The following CFAP299 variants were observed in gnomAD, a reference collection of about 807,000 sequenced individuals.
The protein encoded by CFAP299 is cilia and flagella associated protein 299.
A neutral mutation model predicts 27.0 loss-of-function variants in CFAP299; 21 were observed. The ratio of observed to expected loss-of-function variants is 0.78; its 90% confidence interval spans 0.55 to 1.12. The LOEUF (loss-of-function observed/expected upper bound fraction) is 1.12. CFAP299 is among the 50% of genes most tolerant of loss of function. CFAP299 has a pLI of 0.00. For missense variants in CFAP299, 310 were observed against 276.6 expected, an observed-to-expected ratio of 1.12 and a Z score of -0.86; for synonymous variants, 104 against 98.1, an observed-to-expected ratio of 1.06 and a Z score of -0.36.
At chr4:80,824,789 CT>C (rs1436449891) in intron 3 of CFAP299, among the ~76,000 whole-genome samples, 1 of 151,884 alleles carries the variant, frequency 6.6e-6, no homozygotes, top group African/African-American at 2.4e-5. Flanking sequence ...AACAAAACCC[CT>C]GGGAAAGAGA....
intron 4 of CFAP299, among the ~76,000 whole-genome samples, chr4:80,909,853 A>G (rs1735378693): frequency 6.6e-6 from 1 of 152,146 alleles, no homozygotes; most frequent in Non-Finnish European, 1.5e-5. Flanking sequence ...ACAAGCTTGC[A>G]ACAAAAACAT....
At chr4:80,357,962 G>C (rs1386586533) in intron 1 of CFAP299, among the ~76,000 whole-genome samples, 2 of 151,844 alleles carry the variant, frequency 1.3e-5, no homozygotes, top group African/African-American at 2.4e-5. Flanking sequence ...CCAACTTTTT[G>C]ATATGGGCAT....
rs184913199 is a variant in CFAP299 at position 80,784,772 on chromosome 4, C to T, written c.334-85221C>T. Among the ~76,000 whole-genome samples the T allele has an allele frequency of 3.1e-3, 471 of 152,260 alleles. 3 individuals carry two copies. The highest frequency in any genetic ancestry group is 0.011 in the African/African-American group (449 of 41,554). On this transcript the variant is annotated intron_variant, in intron 3 of 5. Transcript: ENST00000358105. ...TCCCGACCTCAGATGATCTGTGCGC[C>T]TCAGCCTCCCAAAGTGCTGGGATTA... is the stretch of plus-strand genomic sequence containing the variant.
At position 80,869,301 on chromosome 4, in the gene CFAP299, C is replaced by A. The variant is rs188337863; in HGVS notation, c.334-692C>A. On this transcript the variant is annotated intron_variant, in intron 3 of 5. Transcript: ENST00000358105. ...AGAATGCTAGTTTCTCCTGCCATATCTGTAGGATATATAACTAATCCATCA... is the reference window on the plus strand; with the variant it reads ...AGAATGCTAGTTTCTCCTGCCATATATGTAGGATATATAACTAATCCATCA... Among the ~76,000 whole-genome samples, 7 of 152,240 alleles carry A rather than the reference C, an allele frequency of 4.6e-5. No homozygotes were observed. In the East Asian group the frequency reaches 1.4e-3, roughly 30 times the overall value.
upstream of CFAP299, among the ~76,000 whole-genome samples, chr4:80,331,801 AT>A (rs1446022205): frequency 6.6e-6 from 1 of 152,196 alleles, no homozygotes; most frequent in Non-Finnish European, 1.5e-5. Context: ...GACCTAGTTA[AT>A]TATATAGATA....
intron 3 of CFAP299, among the ~76,000 whole-genome samples, chr4:80,609,547 T>A (rs1236763332): frequency 6.6e-6 from 1 of 152,076 alleles, no homozygotes; most frequent in Non-Finnish European, 1.5e-5. Context: ...TAATATCATA[T>A]AATTTTAAGT....
At chr4:80,434,407 A>G (rs979433747) in intron 2 of CFAP299, among the ~76,000 whole-genome samples, 1 of 152,166 alleles carries the variant, frequency 6.6e-6, no homozygotes, top group Non-Finnish European at 1.5e-5. Context: ...TTCCAGACAT[A>G]TCTTCAAAAA....
intron 2 of CFAP299, among the ~76,000 whole-genome samples, chr4:80,397,801 A>G (rs1035578405): frequency 6.6e-6 from 1 of 152,094 alleles, no homozygotes; most frequent in Non-Finnish European, 1.5e-5. Context: ...CTTTCTCACC[A>G]CTCGTATTCA....
At chr4:80,732,506 T>C (rs1382453388) in intron 3 of CFAP299, among the ~76,000 whole-genome samples, 1 of 152,208 alleles carries the variant, frequency 6.6e-6, no homozygotes, top group Non-Finnish European at 1.5e-5. Flanking sequence ...TTCTTTTGAA[T>C]AGTACATTCT....
intron 2 of CFAP299, chr4:80,388,178 G>A: frequency 1.5e-6 from 1 of 685,286 alleles, no homozygotes; most frequent in Non-Finnish European, 2.7e-6. Flanking sequence ...TGGTGGAGGA[G>A]GGGGTGAAGG....
At chr4:80,395,434 A>G (rs2110041919) in intron 2 of CFAP299, among the ~76,000 whole-genome samples, 1 of 152,200 alleles carries the variant, frequency 6.6e-6, no homozygotes, top group East Asian at 1.9e-4. Flanking sequence ...AGCTTCCAGA[A>G]GTATATTGGA....
chr4:80,667,117 T>G (rs1553946361), intron 3 of CFAP299, among the ~76,000 whole-genome samples: 1 of 152,218 alleles, frequency 6.6e-6, no homozygotes, highest in Non-Finnish European at 1.5e-5. Flanking sequence ...CATAAGTCAC[T>G]ACCTTTGTTC....
In CFAP299 at chr4:80,622,828, A is replaced by G. The variant is rs534404778; in HGVS notation, c.333+39645A>G. ...CACATCATCTAAAAAAACTCCATGC[A>G]ATACTTGAAACTAGAGATAATGGGC... On this transcript the variant is annotated intron_variant, in intron 3 of 5. Coordinates refer to ENST00000358105, the MANE Select transcript of CFAP299 (RefSeq NM_152770.3). Among the ~76,000 whole-genome samples the G allele has an allele frequency of 2.0e-5, 3 of 152,218 alleles. No individual in the cohort carries two copies. The East Asian group carries it at 5.8e-4, about 29-fold the overall frequency.
At chr4:80,748,679 C>T (rs962227152) in intron 3 of CFAP299, among the ~76,000 whole-genome samples, 1 of 152,154 alleles carries the variant, frequency 6.6e-6, no homozygotes, top group Non-Finnish European at 1.5e-5. Context: ...TTTAGGAACT[C>T]ACTCACATTC....
At chr4:80,775,307 G>A (rs1008911781) in intron 3 of CFAP299, among the ~76,000 whole-genome samples, 2 of 151,892 alleles carry the variant, frequency 1.3e-5, no homozygotes, top group African/African-American at 4.8e-5. Flanking sequence ...TCTCAGCATG[G>A]TGGAATTACT....
At chr4:80,348,594 G>T (rs1044814830) in intron 1 of CFAP299, among the ~76,000 whole-genome samples, 1 of 151,916 alleles carries the variant, frequency 6.6e-6, no homozygotes, top group South Asian at 2.1e-4. Context: ...ACCATCTCAC[G>T]CCAGTAAGAG....
intron 5 of CFAP299, among the ~76,000 whole-genome samples, chr4:80,951,555 A>G (rs1411264092): frequency 6.6e-6 from 1 of 152,132 alleles, no homozygotes; most frequent in Non-Finnish European, 1.5e-5. Context: ...AATTCCTATT[A>G]ATTCAGGAAA....
At chr4:80,335,914 C>G (rs769834074) in intron 1 of CFAP299, 35 bp downstream of exon 1, 1 of 1,342,378 alleles carries the variant, frequency 7.4e-7, no homozygotes, top group South Asian at 1.2e-5. Context: ...GCCGCCGCCG[C>G]GCGTCCCTCG....
chr4:80,694,162 CTTTG>C (rs1389077868), intron 3 of CFAP299, among the ~76,000 whole-genome samples: 19 of 152,128 alleles, frequency 1.2e-4, no homozygotes, highest in Admixed American at 8.5e-4. Context: ...TTGGAATCTT[CTTTG>C]TTTGATCACC....
Sources: allele counts gnomAD v4.1 joint callset (sites outside exome capture counted in the v4.1 genomes callset), GRCh38; gene constraint gnomAD v4.1.1; transcripts MANE v1.5; gene names NCBI Gene and HGNC (gene_info 2026-07-23, HGNC 2026-07-21).